Variants in ZNRF1 observed in about 807,000 individuals in gnomAD.
ZNRF1 encodes E3 ubiquitin-protein ligase ZNRF1.
Under a neutral mutation model 18.4 loss-of-function variants are expected in ZNRF1, and 3 were observed. The ratio of observed to expected loss-of-function variants is 0.16; its 90% CI spans 0.07 to 0.42. The LOEUF is 0.42. Among genes scored for constraint, ZNRF1 ranks in the 10% least tolerant of loss-of-function variants. The pLI, the probability that ZNRF1 is intolerant of heterozygous loss-of-function variation, is 0.99. For synonymous variants in ZNRF1, 157 were observed against 144.2 expected (o/e 1.09, Z -0.64); for missense variants, 310 against 329.8 (o/e 0.94, Z 0.47).
chr16:75,022,897 C>T (rs183962337), intron 1 of ZNRF1, among the ~76,000 whole-genome samples: 5 of 152,302 alleles, frequency 3.3e-5, no homozygotes, highest in Admixed American at 3.3e-4. Flanking sequence ...TACCATTCTG[C>T]ATCAACTATG....
Position 75,012,325 on chromosome 16 carries a change from G to A in ZNRF1, c.424+12230G>A, listed in dbSNP as rs546068216. 7.2e-5 allele frequency among the ~76,000 whole-genome samples: 11 copies of A among 152,320 alleles called. No homozygotes were observed. The East Asian group carries it at 2.1e-3, about 29-fold the overall frequency. ...ATGGAAGGAGGCCTTGGGTTAGAGA[G>A]CCAGAAGCCATTTATAGGCAGAACA... is the stretch of plus-strand genomic sequence containing the variant. On this transcript the variant is annotated intron_variant, in intron 1 of 4. Transcript: ENST00000335325.
At chr16:75,070,466 C>T (rs1349950637) in intron 1 of ZNRF1, among the ~76,000 whole-genome samples, 1 of 152,206 alleles carries the variant, frequency 6.6e-6, no homozygotes. Context: ...GACCTTGCCC[C>T]CGATCCTGCT....
chr16:75,092,114 C>G (rs1315138128), intron 1 of ZNRF1, among the ~76,000 whole-genome samples: 1 of 151,884 alleles, frequency 6.6e-6, no homozygotes, highest in African/African-American at 2.4e-5. Flanking sequence ...GCCTAGGCAG[C>G]ATAGCAAGAC....
Position 75,104,773 on chromosome 16 carries a change from C to G in ZNRF1, c.521-11C>G. 6.3e-7 allele frequency: 1 copy of G among 1,589,780 alleles called. No individual in the cohort carries two copies. Among genetic ancestry groups the G allele is most frequent in the Non-Finnish European group, 8.6e-7 (1 of 1,168,554 alleles). On this transcript the variant is annotated splice_polypyrimidine_tract_variant and intron_variant, in intron 2 of 4. Transcript: ENST00000335325. ...CTAACCCTCCTGCACTCTCCCCTGT[C>G]CCCCTTGCAGATGATGTGCTGACTA...
At chr16:75,048,295 C>A (rs1439719762) in intron 1 of ZNRF1, among the ~76,000 whole-genome samples, 1 of 152,100 alleles carries the variant, frequency 6.6e-6, no homozygotes, top group African/African-American at 2.4e-5. Flanking sequence ...GAATTAGGGC[C>A]CACCCCGATG....
chr16:75,017,110 T>A (rs2035082807), intron 1 of ZNRF1, among the ~76,000 whole-genome samples: 1 of 152,184 alleles, frequency 6.6e-6, no homozygotes, highest in Non-Finnish European at 1.5e-5. Flanking sequence ...GTCTTTGTAT[T>A]GCAAACAGCA....
At chr16:75,077,356 AAC>A (rs1234442929) in intron 1 of ZNRF1, among the ~76,000 whole-genome samples, 1 of 152,160 alleles carries the variant, frequency 6.6e-6, no homozygotes, top group Non-Finnish European at 1.5e-5. Context: ...AACATGTACA[AAC>A]CCCGTCTCTA....
At chr16:75,078,356 T>G (rs2035968502) in intron 1 of ZNRF1, among the ~76,000 whole-genome samples, 1 of 144,438 alleles carries the variant, frequency 6.9e-6, no homozygotes, top group African/African-American at 2.6e-5. Context: ...TGGAGTGCAA[T>G]GGCGCAATCT....
At chr16:75,059,655 A>C (rs992318972) in intron 1 of ZNRF1, among the ~76,000 whole-genome samples, 1 of 152,120 alleles carries the variant, frequency 6.6e-6, no homozygotes, top group Non-Finnish European at 1.5e-5. Flanking sequence ...GTTTGTTCTC[A>C]GGTCTTATCT....
chr16:75,052,410 AAAAAG>A (rs1423678474), intron 1 of ZNRF1, among the ~76,000 whole-genome samples: 11 of 152,046 alleles, frequency 7.2e-5, no homozygotes, highest in Non-Finnish European at 1.6e-4. Context: ...CAAAAAAAAA[AAAAAG>A]AAAAGAAAAA....
At chr16:75,010,699 C>CTATTTTTTTT (rs1567464687) in intron 1 of ZNRF1, among the ~76,000 whole-genome samples, 2 of 103,110 alleles carry the variant, frequency 1.9e-5, no homozygotes, top group African/African-American at 3.5e-5. Context: ...CTGTACTGTA[C>CTATTTTTTTT]TGTTTTTTTT....
intron 1 of ZNRF1, among the ~76,000 whole-genome samples, chr16:75,046,356 A>T (rs1240696730): frequency 6.7e-6 from 1 of 149,990 alleles, no homozygotes; most frequent in African/African-American, 2.4e-5. Context: ...GGTTCAAGTG[A>T]TTCTCGTACC....
At chr16:75,026,577 A>G (rs2035226863) in intron 1 of ZNRF1, among the ~76,000 whole-genome samples, 1 of 152,206 alleles carries the variant, frequency 6.6e-6, no homozygotes, top group South Asian at 2.1e-4. Context: ...TTGCTTTCAT[A>G]GCAGTTTTTC....
intron 1 of ZNRF1, among the ~76,000 whole-genome samples, chr16:75,039,244 CTGTTT>C (rs1264777910): frequency 2.6e-5 from 4 of 151,368 alleles, no homozygotes; most frequent in African/African-American, 9.7e-5. Context: ...CAAAAACTTT[CTGTTT>C]TATTTATTAT....
At chr16:75,066,250 T>C (rs1597891268) in intron 1 of ZNRF1, among the ~76,000 whole-genome samples, 1 of 152,236 alleles carries the variant, frequency 6.6e-6, no homozygotes, top group East Asian at 1.9e-4. Flanking sequence ...ATCAGATAAC[T>C]GGCCTAATAG....
intron 1 of ZNRF1, among the ~76,000 whole-genome samples, chr16:75,003,426 T>G (rs1217505106): frequency 6.6e-6 from 1 of 152,212 alleles, no homozygotes; most frequent in Non-Finnish European, 1.5e-5. Flanking sequence ...TACATGAATT[T>G]GAGTACTTTA....
intron 1 of ZNRF1, among the ~76,000 whole-genome samples, chr16:75,046,292 C>G (rs1463207244): frequency 6.6e-6 from 1 of 151,940 alleles, no homozygotes; most frequent in Non-Finnish European, 1.5e-5. Context: ...TGCTCTGTCA[C>G]CCAGGCTGAA....
intron 1 of ZNRF1, among the ~76,000 whole-genome samples, chr16:75,030,640 T>G (rs2145348817): frequency 6.6e-6 from 1 of 152,212 alleles, no homozygotes; most frequent in Non-Finnish European, 1.5e-5. Context: ...CCATTAGCAG[T>G]AGCTCTGTTT....
intron 1 of ZNRF1, among the ~76,000 whole-genome samples, chr16:75,020,192 A>G (rs2035125692): frequency 6.6e-6 from 1 of 152,062 alleles, no homozygotes; most frequent in East Asian, 1.9e-4. Flanking sequence ...ACTTTTTCTC[A>G]TGGTCTTTTT....
Sources: allele counts gnomAD v4.1 joint callset (sites outside exome capture counted in the v4.1 genomes callset), GRCh38; gene constraint gnomAD v4.1.1; transcripts MANE v1.5; gene names NCBI Gene and HGNC (gene_info 2026-07-23, HGNC 2026-07-21).